Variants in FOCAD observed in about 807,000 individuals in gnomAD.
FOCAD encodes the protein focadhesin.
Under a neutral mutation model 225.6 loss-of-function variants are expected in FOCAD, and 198 were observed. The observed-to-expected ratio is 0.88, with a 90% CI of 0.78 to 0.99. The LOEUF is 0.99. Among genes scored for constraint, FOCAD ranks in the 50% least tolerant of loss-of-function variants. The pLI is 0.00. For missense variants in FOCAD, 2,713 were observed against 2,123.6 expected (o/e 1.28, Z -5.46); for synonymous variants, 897 against 755.0 (o/e 1.19, Z -3.08).
intron 15 of FOCAD, among the ~76,000 whole-genome samples, chr9:20,844,950 G>A (rs1826929596): frequency 6.6e-6 from 1 of 151,854 alleles, no homozygotes. Flanking sequence ...TTGACTTACT[G>A]TAAATGTTTA....
Position 20,874,795 on chromosome 9 carries a change from T to G in FOCAD, c.2305T>G (p.Leu769Val). 6.2e-7 allele frequency: 1 copy of G among 1,613,612 alleles called. No individual in the cohort carries two copies. The highest frequency in any genetic ancestry group is 8.5e-7 in the Non-Finnish European group (1 of 1,179,656). ...YLKLLSLTPP[L>V]VLPALEEFFT... ...CAAACTGTTGTCACTCACTCCCCCTTTGGTTTTACCAGGTGACTCCTATTT... is the reference window on the plus strand; with the variant it reads ...CAAACTGTTGTCACTCACTCCCCCTGTGGTTTTACCAGGTGACTCCTATTT... The change falls in exon 19 of 44, where the codon TTG (leucine) becomes GTG (valine). Residue 769 changes from leucine (L) to valine (V), a missense_variant. Transcript: ENST00000338382.
intron 1 of FOCAD, among the ~76,000 whole-genome samples, chr9:20,696,107 A>G (rs1823348456): frequency 6.6e-6 from 1 of 152,220 alleles, no homozygotes; most frequent in Non-Finnish European, 1.5e-5. Flanking sequence ...TTGTTCTTTC[A>G]GTTATCTGAA....
Position 20,923,667 on chromosome 9 carries a change from C to G in FOCAD, c.2860C>G (p.Pro954Ala). 4 of 1,613,646 alleles carry G rather than the reference C, an allele frequency of 2.5e-6. No individual in the cohort carries two copies. Among genetic ancestry groups the G allele is most frequent in the Non-Finnish European group, 3.4e-6 (4 of 1,179,702 alleles). ...TTTTTTCCTTTTGAACAGGGAGAGT[C>G]CGGTAGTGAAAGGCAATGCGCTGTT... ...EITKAAAKESPVVKGNALLAL... is the reference protein window; with the variant it reads ...EITKAAAKESAVVKGNALLAL... Residue 954 changes from proline (P) to alanine (A), a missense_variant, in exon 25 of 44, where the codon CCG (proline) becomes GCG (alanine). Transcript: ENST00000338382.
chr9:20,959,935 A>T (rs934931444), intron 35 of FOCAD, among the ~76,000 whole-genome samples: 1 of 152,214 alleles, frequency 6.6e-6, no homozygotes, highest in Non-Finnish European at 1.5e-5. Flanking sequence ...TCTCAAACAT[A>T]AAAAAGTTGT....
intron 18 of FOCAD, among the ~76,000 whole-genome samples, chr9:20,868,907 C>G (rs1829520941): frequency 6.6e-6 from 1 of 152,090 alleles, no homozygotes; most frequent in Non-Finnish European, 1.5e-5. Flanking sequence ...TAAGACCACA[C>G]CATGCATTCT....
chr9:20,795,117 T>C (rs1208089418), intron 11 of FOCAD, among the ~76,000 whole-genome samples: 1 of 152,060 alleles, frequency 6.6e-6, no homozygotes, highest in Non-Finnish European at 1.5e-5. Context: ...TGGGGGTGAA[T>C]AGTTGTAATA....
chr9:20,673,966 T>G, intron 2 of FOCAD, among the ~76,000 whole-genome samples: 1 of 152,206 alleles, frequency 6.6e-6, no homozygotes, highest in East Asian at 1.9e-4. Context: ...AGTTGAAAAT[T>G]TGTCAATTGT....
intron 35 of FOCAD, among the ~76,000 whole-genome samples, chr9:20,962,644 G>A (rs1056451470): frequency 6.6e-6 from 1 of 152,128 alleles, no homozygotes; most frequent in Non-Finnish European, 1.5e-5. Flanking sequence ...CTGATCCTCT[G>A]TGTAGCCAAA....
At chr9:20,959,369 A>G (rs537777288) in intron 35 of FOCAD, among the ~76,000 whole-genome samples, 32 of 152,006 alleles carry the variant, frequency 2.1e-4, no homozygotes, top group Middle Eastern at 6.8e-3. Flanking sequence ...TAATTTCCCC[A>G]TCTTAAAATC....
chr9:20,728,977 C>A (rs957431069), intron 4 of FOCAD, among the ~76,000 whole-genome samples: 1 of 152,120 alleles, frequency 6.6e-6, no homozygotes, highest in African/African-American at 2.4e-5. Flanking sequence ...CACAGGGCAC[C>A]ACCTGCCCCT....
intron 28 of FOCAD, among the ~76,000 whole-genome samples, chr9:20,940,752 T>C (rs1836568138): frequency 6.6e-6 from 1 of 152,118 alleles, no homozygotes; most frequent in Non-Finnish European, 1.5e-5. Context: ...AGAATGTGAG[T>C]CTCAGATAGG....
At chr9:20,701,507 A>G (rs1470723914) in intron 1 of FOCAD, among the ~76,000 whole-genome samples, 2 of 152,074 alleles carry the variant, frequency 1.3e-5, no homozygotes, top group East Asian at 3.8e-4. Context: ...ATTTAAAAAA[A>G]CAGAAAATGT....
In FOCAD at chr9:20,948,389, C is replaced by G; in HGVS notation, c.3794C>G (p.Thr1265Arg). 1 of 1,611,048 alleles carries G rather than the reference C, an allele frequency of 6.2e-7. No homozygotes were observed. Among genetic ancestry groups the G allele is most frequent in the Admixed American group, 1.7e-5 (1 of 59,838 alleles). The change falls in exon 31 of 44, where the codon ACA becomes AGA. Residue 1265 changes from threonine (T) to arginine (R), a missense_variant. Thr to Arg is a moderately conservative substitution (Grantham distance 71). Transcript: ENST00000338382. ...CCTGCCTGGATCAGAATTGTTCTAA[C>G]AGAGGTAGAGGTCACCTGTTGTATG... Reference protein sequence around the residue: ...LLPAWIRIVLTEGTPTMLCLA... With the variant: ...LLPAWIRIVLREGTPTMLCLA...
chr9:20,920,668 A>T (rs1208910937), intron 24 of FOCAD, among the ~76,000 whole-genome samples: 1 of 151,584 alleles, frequency 6.6e-6, no homozygotes, highest in Non-Finnish European at 1.5e-5. Flanking sequence ...TTGTAGGGAC[A>T]TGGATGAAAT....
intron 5 of FOCAD, among the ~76,000 whole-genome samples, chr9:20,754,821 G>T (rs191664786): frequency 6.6e-6 from 1 of 152,258 alleles, no homozygotes; most frequent in Admixed American, 6.5e-5. Context: ...CAAAATGTCA[G>T]TAGTGGTAAG....
chr9:20,990,712 C>A (rs912823214), intron 42 of FOCAD, among the ~76,000 whole-genome samples: 1 of 152,022 alleles, frequency 6.6e-6, no homozygotes, highest in Non-Finnish European at 1.5e-5. Flanking sequence ...TGAGGGTCGA[C>A]GGGAAGGCAA....
At chr9:20,782,226 T>C (rs1819455108) in intron 10 of FOCAD, among the ~76,000 whole-genome samples, 1 of 152,232 alleles carries the variant, frequency 6.6e-6, no homozygotes, top group African/African-American at 2.4e-5. Context: ...TTCTCAAATA[T>C]ATTTGAACAT....
At chr9:20,822,723 A>T (rs1413193939) in intron 14 of FOCAD, among the ~76,000 whole-genome samples, 3 of 151,970 alleles carry the variant, frequency 2.0e-5, no homozygotes, top group African/African-American at 7.2e-5. Flanking sequence ...CAATTCAGAC[A>T]ATAGGATTTG....
intron 10 of FOCAD, among the ~76,000 whole-genome samples, chr9:20,784,455 G>T (rs542443321): frequency 6.6e-6 from 1 of 152,334 alleles, no homozygotes; most frequent in East Asian, 1.9e-4. Flanking sequence ...TGAGTAACTG[G>T]CTCAGGAAGT....
Sources: allele counts gnomAD v4.1 joint callset (sites outside exome capture counted in the v4.1 genomes callset), GRCh38; gene constraint gnomAD v4.1.1; transcripts MANE v1.5; gene names NCBI Gene and HGNC (gene_info 2026-07-23, HGNC 2026-07-21).